The following SLC24A2 variants were observed in gnomAD, a reference collection of about 807,000 sequenced individuals.
The protein encoded by SLC24A2 is solute carrier family 24 member 2.
In SLC24A2, 36 loss-of-function variants were observed where a neutral mutation model predicts 62.0. The ratio of observed to expected loss-of-function variants is 0.58; its 90% confidence interval spans 0.44 to 0.77. The LOEUF is 0.77. Among genes scored for constraint, SLC24A2 ranks in the 30% least tolerant of loss-of-function variants. The pLI is 0.00. For synonymous variants in SLC24A2, 358 were observed against 294.0 expected (o/e 1.22, Z -2.23); for missense variants, 846 against 817.9 (o/e 1.03, Z -0.42).
chr9:19,714,189 C>T (rs973433350), intron 2 of SLC24A2, among the ~76,000 whole-genome samples: 1 of 152,082 alleles, frequency 6.6e-6, no homozygotes, highest in Non-Finnish European at 1.5e-5. Context: ...TGGAACTCTG[C>T]GTGTGTGTGT....
At position 19,745,734 on chromosome 9, in the gene SLC24A2, G is replaced by GT. The variant is rs960558037; in HGVS notation, c.930+40202dup. On this transcript the variant is annotated intron_variant, in intron 2 of 10. Transcript: ENST00000341998. Reference sequence around the variant, plus strand: ...ATTGATATAACACTTTTTATTAAATGTTTTTTCATATTTTATTACCTAACT... The same window carrying GT: ...ATTGATATAACACTTTTTATTAAATGTTTTTTTCATATTTTATTACCTAACT... 5.9e-5 allele frequency among the ~76,000 whole-genome samples: 9 copies of GT among 152,138 alleles called. No individual in the cohort carries two copies. In the East Asian group the frequency reaches 1.5e-3, roughly 26 times the overall value.
At chr9:19,765,790 C>T (rs562586948) in intron 2 of SLC24A2, among the ~76,000 whole-genome samples, 3 of 152,226 alleles carry the variant, frequency 2.0e-5, no homozygotes, top group South Asian at 2.1e-4. Context: ...TTGCTCTTCT[C>T]GAGGAGTATC....
chr9:19,514,712 T>G lies in SLC24A2; in HGVS notation c.*1441A>C, dbSNP rs1488294393. ...GTCAAATACCGTGTACTCTAAAACT[T>G]AGACAGAATCCCAGATAAGGTCTTG... is the stretch of plus-strand genomic sequence containing the variant. On this transcript the variant is annotated 3_prime_UTR_variant, in exon 11 of 11. Transcript: ENST00000341998. The G allele has an allele frequency of 6.6e-6, 1 of 152,170 alleles. No homozygotes were observed. Among genetic ancestry groups the G allele is most frequent in the Non-Finnish European group, 1.5e-5 (1 of 68,038 alleles). The allele number at this position is 152,170 out of a possible 1,614,324, so 9.4% of individuals were successfully genotyped here. A position where few individuals can be genotyped will look rare whatever the true frequency, so the allele number is the denominator to read the frequency against.
chr9:19,810,116 G>C, the SLC24A2 span, among the ~76,000 whole-genome samples: 2 of 152,174 alleles, frequency 1.3e-5, no homozygotes, highest in Non-Finnish European at 2.9e-5. Flanking sequence ...ATTTAACTCA[G>C]AGAGAGTAAG....
At chr9:19,656,143 G>C (rs979768482) in intron 2 of SLC24A2, among the ~76,000 whole-genome samples, 1 of 152,144 alleles carries the variant, frequency 6.6e-6, no homozygotes, top group Non-Finnish European at 1.5e-5. Flanking sequence ...TCTAAACCAG[G>C]GAATGGATCA....
At chr9:20,041,050 G>T in the SLC24A2 span, among the ~76,000 whole-genome samples, 1 of 152,148 alleles carries the variant, frequency 6.6e-6, no homozygotes, top group African/African-American at 2.4e-5. Context: ...TTAGGACATC[G>T]ACTTTCTTTT....
At chr9:19,574,630 A>G (rs1423706892) in intron 6 of SLC24A2, among the ~76,000 whole-genome samples, 1 of 152,052 alleles carries the variant, frequency 6.6e-6, no homozygotes, top group African/African-American at 2.4e-5. Context: ...ACACTGTAGC[A>G]TAGTGCCTTG....
chr9:19,698,516 G>T (rs1225399484), intron 2 of SLC24A2, among the ~76,000 whole-genome samples: 1 of 152,112 alleles, frequency 6.6e-6, no homozygotes, highest in Non-Finnish European at 1.5e-5. Flanking sequence ...TAACCAAGAA[G>T]AACTCTAAAA....
chr9:20,209,780 T>G, the SLC24A2 span, among the ~76,000 whole-genome samples: 1 of 152,208 alleles, frequency 6.6e-6, no homozygotes, highest in Non-Finnish European at 1.5e-5. Flanking sequence ...GGCTCTTTCT[T>G]ACCTAATCCA....
the SLC24A2 span, among the ~76,000 whole-genome samples, chr9:19,880,298 G>A: frequency 1.3e-5 from 2 of 152,132 alleles, no homozygotes; most frequent in African/African-American, 4.8e-5. Flanking sequence ...GGACTGGTTG[G>A]CATGCAACTT....
At chr9:19,716,570 CGGT>C (rs1228286785) in intron 2 of SLC24A2, among the ~76,000 whole-genome samples, 1 of 152,178 alleles carries the variant, frequency 6.6e-6, no homozygotes, top group East Asian at 1.9e-4. Context: ...CTGAACAACA[CGGT>C]GGTGTTCTTT....
At chr9:19,578,312 A>G (rs1476735565) in intron 5 of SLC24A2, among the ~76,000 whole-genome samples, 1 of 146,974 alleles carries the variant, frequency 6.8e-6, no homozygotes, top group African/African-American at 2.5e-5. Context: ...GCGATGTTTC[A>G]TTTCTTCTTT....
the SLC24A2 span, among the ~76,000 whole-genome samples, chr9:20,268,164 A>G: frequency 1.4e-4 from 21 of 152,142 alleles, no homozygotes; most frequent in South Asian, 1.0e-3. Flanking sequence ...CTTAGGATTC[A>G]CTCCCTCTCA....
At chr9:20,068,287 C>G in the SLC24A2 span, among the ~76,000 whole-genome samples, 3 of 152,176 alleles carry the variant, frequency 2.0e-5, no homozygotes, top group East Asian at 1.9e-4. Context: ...TGGTTGTGAA[C>G]TCCTGACCTC....
intron 7 of SLC24A2, among the ~76,000 whole-genome samples, chr9:19,552,749 A>G (rs1224210985): frequency 6.6e-6 from 1 of 152,238 alleles, no homozygotes; most frequent in Non-Finnish European, 1.5e-5. Context: ...AGATGGTGAC[A>G]TTTCATCAAT....
intron 8 of SLC24A2, among the ~76,000 whole-genome samples, chr9:19,535,671 G>C (rs556916479): frequency 6.6e-6 from 1 of 152,120 alleles, no homozygotes; most frequent in South Asian, 2.1e-4. Context: ...GTAGATGTGT[G>C]GTGTTATTTC....
At chr9:20,168,206 A>G in the SLC24A2 span, among the ~76,000 whole-genome samples, 1 of 152,056 alleles carries the variant, frequency 6.6e-6, no homozygotes, top group Non-Finnish European at 1.5e-5. Context: ...AAGATTAAAC[A>G]AATGTGGCAA....
At chr9:19,771,737 C>T (rs922769833) in intron 2 of SLC24A2, among the ~76,000 whole-genome samples, 6 of 152,276 alleles carry the variant, frequency 3.9e-5, no homozygotes, top group African/African-American at 9.6e-5. Context: ...TCTTTGCCCT[C>T]GGAATGTGCA....
the SLC24A2 span, among the ~76,000 whole-genome samples, chr9:19,795,824 G>A: frequency 5.9e-5 from 9 of 151,840 alleles, no homozygotes; most frequent in Non-Finnish European, 1.0e-4. Context: ...CTATAATTAT[G>A]TAACTATGCG....
Sources: gnomAD v4.1 joint callset for allele counts (sites outside exome capture counted in the v4.1 genomes callset) on GRCh38, gnomAD v4.1.1 for gene constraint, MANE v1.5 for transcripts, NCBI Gene and HGNC (gene_info 2026-07-23, HGNC 2026-07-21) for gene names.